Variants in ZCCHC7 observed in about 807,000 individuals in gnomAD.
ZCCHC7 encodes the protein zinc finger CCHC domain-containing protein 7.
ZCCHC7 carries 35 observed loss-of-function variants against 52.0 expected under a neutral mutation model. The observed-to-expected ratio is 0.67, with a 90% CI of 0.51 to 0.89. ZCCHC7 has a LOEUF of 0.89. Among genes scored for constraint, ZCCHC7 ranks in the 40% least tolerant of loss-of-function variants. The pLI is 0.00. For synonymous variants in ZCCHC7, 217 were observed against 221.5 expected (o/e 0.98, Z 0.18); for missense variants, 574 against 649.1 (o/e 0.88, Z 1.26).
At chr9:37,336,944 T>A (rs1830693582) in intron 6 of ZCCHC7, among the ~76,000 whole-genome samples, 1 of 152,104 alleles carries the variant, frequency 6.6e-6, no homozygotes, top group African/African-American at 2.4e-5. Context: ...CAAACAGTGG[T>A]AAGATACCCT....
intron 2 of ZCCHC7, among the ~76,000 whole-genome samples, chr9:37,252,094 T>C (rs1299983271): frequency 6.6e-6 from 1 of 152,198 alleles, no homozygotes; most frequent in East Asian, 1.9e-4. Flanking sequence ...TGGTATAAAC[T>C]ATACCAAATT....
intron 2 of ZCCHC7, among the ~76,000 whole-genome samples, chr9:37,300,905 A>C (rs1829005040): frequency 6.6e-6 from 1 of 152,218 alleles, no homozygotes; most frequent in Admixed American, 6.5e-5. Flanking sequence ...TAGCTGATAC[A>C]AGAAAATGTG....
chr9:37,357,287 A>AT lies in ZCCHC7; in HGVS notation c.*20dup. ...GTCTTAAGCCGTCAGGCAGCCTCTG[A>AT]TGTGGCTTTTCATTGTTCATTTGGC... On this transcript the variant is annotated 3_prime_UTR_variant, in exon 9 of 9. Coordinates refer to ENST00000336755, the MANE Select transcript of ZCCHC7 (RefSeq NM_032226.3). 6.4e-7 allele frequency: 1 copy of AT among 1,565,242 alleles called. No individual in the cohort carries two copies. Among genetic ancestry groups the AT allele is most frequent in the Non-Finnish European group, 8.6e-7 (1 of 1,163,108 alleles).
chr9:37,171,323 C>T (rs1347028128), intron 2 of ZCCHC7, among the ~76,000 whole-genome samples: 1 of 152,150 alleles, frequency 6.6e-6, no homozygotes, highest in African/African-American at 2.4e-5. Context: ...TTGTTTCTTG[C>T]TGGTGAGTTG....
Position 37,273,820 on chromosome 9 carries a change from CTA to C in ZCCHC7, c.611-28366_611-28365del, listed in dbSNP as rs370912444. Among the ~76,000 whole-genome samples the C allele has an allele frequency of 4.0e-5, 6 of 150,346 alleles. No individual in the cohort carries two copies. In the South Asian group the frequency reaches 1.2e-3, roughly 31 times the overall value. On this transcript the variant is annotated intron_variant, in intron 2 of 8. Transcript: ENST00000336755. ...TGTTCATATTTTTTGCCCATATTCC[CTA>C]TGTGTTTTTTTTCTCAGAGATATGT... is the stretch of plus-strand genomic sequence containing the variant.
chr9:37,212,054 A>G (rs866097352), intron 2 of ZCCHC7, among the ~76,000 whole-genome samples: 5,653 of 128,470 alleles, frequency 0.044, 465 homozygotes, highest in African/African-American at 0.16. Flanking sequence ...AAAAAAAAAA[A>G]AAAAAAAAAA....
At chr9:37,337,971 A>G (rs991472339) in intron 6 of ZCCHC7, among the ~76,000 whole-genome samples, 22 of 152,184 alleles carry the variant, frequency 1.4e-4, no homozygotes, top group Middle Eastern at 3.2e-3. Context: ...TGGTATATTA[A>G]ACTTAAACTA....
intron 2 of ZCCHC7, among the ~76,000 whole-genome samples, chr9:37,155,253 C>G (rs1040994163): frequency 1.3e-5 from 2 of 151,084 alleles, no homozygotes; most frequent in Non-Finnish European, 2.9e-5. Context: ...CCCGGCTACT[C>G]GGGAGGCTGA....
At chr9:37,224,322 A>G (rs984344248) in intron 2 of ZCCHC7, among the ~76,000 whole-genome samples, 1 of 152,114 alleles carries the variant, frequency 6.6e-6, no homozygotes, top group Admixed American at 6.6e-5. Flanking sequence ...TCAGTGTGGC[A>G]ACTATCCCAG....
At chr9:37,208,029 A>G (rs933149472) in intron 2 of ZCCHC7, among the ~76,000 whole-genome samples, 10 of 152,090 alleles carry the variant, frequency 6.6e-5, no homozygotes, top group African/African-American at 1.9e-4. Flanking sequence ...TGTTCACATC[A>G]GTTTTTTAAA....
chr9:37,357,982 G>A lies in ZCCHC7; in HGVS notation c.*714G>A, dbSNP rs41278293. The A allele has an allele frequency of 1.3e-5, 2 of 152,060 alleles. No homozygotes were observed. Among genetic ancestry groups the A allele is most frequent in the African/African-American group, 2.4e-5 (1 of 41,392 alleles). The allele number at this position is 152,060 out of a possible 1,614,324, so 9.4% of individuals were successfully genotyped here. A position where few individuals can be genotyped will look rare whatever the true frequency, so the allele number is the denominator to read the frequency against. On this transcript the variant is annotated 3_prime_UTR_variant, in exon 9 of 9. Transcript: ENST00000336755. ...CACTTTTACAGCGGTGTTTCAAGCG[G>A]ACTGTCACTCAGATCTGCAGAGATG...
At chr9:37,324,022 A>G (rs1294819700) in intron 5 of ZCCHC7, among the ~76,000 whole-genome samples, 3 of 152,202 alleles carry the variant, frequency 2.0e-5, no homozygotes, top group African/African-American at 7.2e-5. Flanking sequence ...TCCAGAGACT[A>G]GAATGGTTTT....
At chr9:37,138,301 G>A (rs1344060209) in intron 2 of ZCCHC7, among the ~76,000 whole-genome samples, 3 of 152,122 alleles carry the variant, frequency 2.0e-5, no homozygotes, top group Admixed American at 2.0e-4. Flanking sequence ...TATGGCCATT[G>A]TTCAGCAGAA....
intron 2 of ZCCHC7, among the ~76,000 whole-genome samples, chr9:37,229,860 G>T (rs1006342278): frequency 2.6e-5 from 4 of 152,168 alleles, no homozygotes; most frequent in Non-Finnish European, 4.4e-5. Flanking sequence ...TACACTTTGT[G>T]TAGCTATGCA....
intron 2 of ZCCHC7, among the ~76,000 whole-genome samples, chr9:37,235,467 TTTCC>T (rs1181197186): frequency 2.0e-5 from 3 of 150,962 alleles, no homozygotes; most frequent in African/African-American, 7.3e-5. Flanking sequence ...CTTTCCTTCC[TTTCC>T]TTCCTTCCTT....
chr9:37,242,981 T>C (rs1001697449), intron 2 of ZCCHC7, among the ~76,000 whole-genome samples: 1 of 151,896 alleles, frequency 6.6e-6, no homozygotes, highest in African/African-American at 2.4e-5. Flanking sequence ...CTGAGTCATA[T>C]GTGTATACTT....
chr9:37,211,825 G>A (rs937764853), intron 2 of ZCCHC7, among the ~76,000 whole-genome samples: 4 of 151,780 alleles, frequency 2.6e-5, no homozygotes, highest in Non-Finnish European at 5.9e-5. Context: ...TCAGGAGATC[G>A]AGACCATCCT....
intron 7 of ZCCHC7, among the ~76,000 whole-genome samples, chr9:37,351,412 C>T (rs571611811): frequency 6.6e-6 from 1 of 152,180 alleles, no homozygotes; most frequent in South Asian, 2.1e-4. Flanking sequence ...CTCAAGTGAT[C>T]CTCCCACCTC....
chr9:37,328,777 ACCTG>A (rs1830345464), intron 6 of ZCCHC7, among the ~76,000 whole-genome samples: 1 of 151,942 alleles, frequency 6.6e-6, no homozygotes, highest in Admixed American at 6.6e-5. Flanking sequence ...GACTCAAACT[ACCTG>A]TCTGTCTGTC....
Sources: allele counts gnomAD v4.1 joint callset (sites outside exome capture counted in the v4.1 genomes callset), GRCh38; gene constraint gnomAD v4.1.1; transcripts MANE v1.5; gene names NCBI Gene and HGNC (gene_info 2026-07-23, HGNC 2026-07-21).